Variants in SATB2 observed in about 807,000 individuals in gnomAD.
SATB2 encodes the protein DNA-binding protein SATB2.
SATB2 carries 1 observed loss-of-function variant against 73.4 expected under a neutral mutation model. That is an observed-to-expected ratio of 0.01 (90% CI 0.00 to 0.06). The LOEUF (loss-of-function observed/expected upper bound fraction) is 0.06, where lower values mean the gene tolerates loss of function less well. Among genes scored for constraint, SATB2 ranks in the 10% least tolerant of loss-of-function variants. SATB2 has a pLI of 1.00. For missense variants in SATB2, 459 were observed against 945.8 expected (o/e 0.49, Z 6.75); for synonymous variants, 397 against 367.0 (o/e 1.08, Z -0.93).
At chr2:199,470,152 AG>A (rs1692676622) in intron 1 of SATB2, 2 of 152,394 alleles carry the variant, frequency 1.3e-5, no homozygotes, top group African/African-American at 2.4e-5. Context: ...CAGTCGGGCA[AG>A]AAAGTCTGGG....
intron 10 of SATB2, among the ~76,000 whole-genome samples, chr2:199,287,312 G>GGAA (rs141813770): frequency 6.6e-6 from 1 of 152,048 alleles, no homozygotes; most frequent in Admixed American, 6.6e-5. Flanking sequence ...TTTAACCAGA[G>GGAA]CAGAGTTTTA....
chr2:199,276,772 G>A (rs1341582810), intron 10 of SATB2, among the ~76,000 whole-genome samples: 5 of 151,696 alleles, frequency 3.3e-5, no homozygotes, highest in Non-Finnish European at 7.4e-5. Flanking sequence ...TTTCAAAATG[G>A]GCCCAGTGGA....
chr2:199,451,091 AACACACACACACACAC>A (rs56071011), intron 2 of SATB2, among the ~76,000 whole-genome samples: 5 of 139,296 alleles, frequency 3.6e-5, no homozygotes, highest in African/African-American at 5.3e-5. Flanking sequence ...ATGTAGTTCC[AACACACACACACACAC>A]ACACACACAC....
intron 7 of SATB2, among the ~76,000 whole-genome samples, chr2:199,333,815 A>G (rs1313708177): frequency 6.6e-6 from 1 of 152,102 alleles, no homozygotes; most frequent in African/African-American, 2.4e-5. Flanking sequence ...ACAAATGATC[A>G]CGATTCCATT....
At chr2:199,377,925 T>G (rs1345240584) in intron 5 of SATB2, among the ~76,000 whole-genome samples, 1 of 152,114 alleles carries the variant, frequency 6.6e-6, no homozygotes, top group Non-Finnish European at 1.5e-5. Flanking sequence ...GAGCAAACCA[T>G]GAGAGCAGAG....
intron 3 of SATB2, among the ~76,000 whole-genome samples, chr2:199,387,255 C>T (rs1294076080): frequency 6.6e-6 from 1 of 152,158 alleles, no homozygotes; most frequent in Non-Finnish European, 1.5e-5. Context: ...GCTCTGCTAC[C>T]GATGCCCTGA....
intron 10 of SATB2, among the ~76,000 whole-genome samples, chr2:199,274,910 G>A (rs1318798403): frequency 6.6e-6 from 1 of 152,040 alleles, no homozygotes; most frequent in Non-Finnish European, 1.5e-5. Flanking sequence ...CCATGATCTG[G>A]GCAGTATGAG....
At chr2:199,291,758 C>G (rs1183842366) in intron 10 of SATB2, among the ~76,000 whole-genome samples, 2 of 151,768 alleles carry the variant, frequency 1.3e-5, no homozygotes, top group African/African-American at 4.8e-5. Flanking sequence ...ACTAAAAATA[C>G]AAAAATTAGC....
At chr2:199,348,677 T>C in intron 7 of SATB2, 24 bp downstream of exon 7, 1 of 1,507,802 alleles carries the variant, frequency 6.6e-7, no homozygotes, top group Non-Finnish European at 9.0e-7. Flanking sequence ...TACTGTTAAT[T>C]ACAGTGTTTA....
chr2:199,388,865 G>A (rs1690036301), intron 3 of SATB2, among the ~76,000 whole-genome samples: 1 of 152,060 alleles, frequency 6.6e-6, no homozygotes, highest in African/African-American at 2.4e-5. Context: ...GTAAAAATAG[G>A]AGAACTCATG....
At chr2:199,453,843 TAAAC>T (rs1692199069) in intron 2 of SATB2, among the ~76,000 whole-genome samples, 1 of 152,042 alleles carries the variant, frequency 6.6e-6, no homozygotes, top group Admixed American at 6.5e-5. Flanking sequence ...TAAATTCCAC[TAAAC>T]AATTTTAACC....
intron 9 of SATB2, 120 bp from the exon 10 acceptor site, chr2:199,309,077 G>C (rs565951057): frequency 1.2e-6 from 1 of 860,394 alleles, no homozygotes; most frequent in Non-Finnish European, 1.9e-6. Flanking sequence ...TCCTGCCAAC[G>C]TGGGGAGATA....
intron 10 of SATB2, among the ~76,000 whole-genome samples, chr2:199,286,014 T>C (rs1367273554): frequency 1.3e-5 from 2 of 151,694 alleles, no homozygotes; most frequent in Admixed American, 6.6e-5. Flanking sequence ...TGTGACACAA[T>C]AGGCTGTTAA....
intron 9 of SATB2, among the ~76,000 whole-genome samples, chr2:199,323,254 A>G (rs1687936970): frequency 6.6e-6 from 1 of 152,114 alleles, no homozygotes. Flanking sequence ...AGATTTTAGC[A>G]CTTACTCTGC....
chr2:199,381,618 C>T, intron 4 of SATB2, 76 bp downstream of exon 4: 1 of 1,565,184 alleles, frequency 6.4e-7, no homozygotes, highest in East Asian at 2.2e-5. Flanking sequence ...ACAGGACATG[C>T]TGATCTTTGC....
intron 2 of SATB2, among the ~76,000 whole-genome samples, chr2:199,443,767 A>G (rs1427550435): frequency 6.6e-6 from 1 of 152,190 alleles, no homozygotes; most frequent in Non-Finnish European, 1.5e-5. Flanking sequence ...AAATGCATCC[A>G]TCAAGACTCA....
upstream of SATB2, among the ~76,000 whole-genome samples, chr2:199,469,233 T>C (rs915750481): frequency 6.6e-6 from 1 of 152,156 alleles, no homozygotes; most frequent in Non-Finnish European, 1.5e-5. Context: ...CTGCCCCGCC[T>C]GGCCGTCGTC....
At chr2:199,383,871 C>T (rs1689851399) in intron 3 of SATB2, among the ~76,000 whole-genome samples, 1 of 152,028 alleles carries the variant, frequency 6.6e-6, no homozygotes. Flanking sequence ...CAAGAACAGG[C>T]AAGACTAATC....
upstream of SATB2, among the ~76,000 whole-genome samples, chr2:199,466,640 C>CGGCT (rs1255363004): frequency 6.6e-6 from 1 of 152,208 alleles, no homozygotes; most frequent in African/African-American, 2.4e-5. Context: ...GTGGTCTCTC[C>CGGCT]GGCTCCCTGC....
Sources: allele counts gnomAD v4.1 joint callset (sites outside exome capture counted in the v4.1 genomes callset), GRCh38; gene constraint gnomAD v4.1.1; transcripts MANE v1.5; gene names NCBI Gene and HGNC (gene_info 2026-07-23, HGNC 2026-07-21).